The following SLC1A2 variants were observed in gnomAD, a reference collection of about 807,000 sequenced individuals.
SLC1A2 encodes solute carrier family 1 member 2.
A neutral mutation model predicts 48.8 loss-of-function variants in SLC1A2; 15 were observed. The ratio of observed to expected loss-of-function variants is 0.31; its 90% CI spans 0.21 to 0.47. The LOEUF (loss-of-function observed/expected upper bound fraction) is 0.47, where lower values mean the gene tolerates loss of function less well. Ranked by LOEUF, SLC1A2 falls within the 20% of genes least tolerant of loss-of-function variation. SLC1A2 has a pLI of 0.99. For missense variants in SLC1A2, 502 were observed against 730.5 expected (o/e 0.69, Z 3.61); for synonymous variants, 279 against 272.6 (o/e 1.02, Z -0.23).
chr11:35,344,584 C>T (rs935488642), intron 1 of SLC1A2, among the ~76,000 whole-genome samples: 1 of 152,176 alleles, frequency 6.6e-6, no homozygotes, highest in African/African-American at 2.4e-5. Context: ...TTACCCACAG[C>T]CCCTAGTTAA....
intron 1 of SLC1A2, among the ~76,000 whole-genome samples, chr11:35,342,088 G>T (rs1291382323): frequency 1.3e-5 from 2 of 152,218 alleles, no homozygotes; most frequent in African/African-American, 4.8e-5. Context: ...TTACCTCTGG[G>T]AATGGATGAG....
In SLC1A2 at chr11:35,252,494, T is replaced by C. The variant is rs1222660965; in HGVS notation, c.*8400A>G. The C allele has an allele frequency of 6.6e-6, 1 of 152,134 alleles. No individual in the cohort carries two copies. The highest frequency in any genetic ancestry group is 2.4e-5 in the African/African-American group (1 of 41,416). 9.4% of individuals were successfully genotyped at this position (152,134 alleles called of 1,614,324 possible). ...TGTATTAAACAGACATGAGATGACCTTTCACTAAGAACCAGGACACACACC... is the reference window on the plus strand; with the variant it reads ...TGTATTAAACAGACATGAGATGACCCTTCACTAAGAACCAGGACACACACC... On this transcript the variant is annotated 3_prime_UTR_variant, in exon 11 of 11. Transcript: ENST00000278379.
intron 1 of SLC1A2, among the ~76,000 whole-genome samples, chr11:35,322,000 T>C (rs1281699547): frequency 6.6e-6 from 1 of 152,110 alleles, no homozygotes; most frequent in Non-Finnish European, 1.5e-5. Flanking sequence ...GCCTTAATGT[T>C]GGAAGTTCCA....
intron 7 of SLC1A2, 70 bp from the exon 8 acceptor site, chr11:35,287,021 G>A: frequency 8.6e-7 from 1 of 1,159,194 alleles, no homozygotes; most frequent in Non-Finnish European, 1.3e-6. Context: ...GCATAAACTG[G>A]AATGCCACTG....
chr11:35,349,739 C>T (rs1590216127), intron 1 of SLC1A2, among the ~76,000 whole-genome samples: 1 of 152,260 alleles, frequency 6.6e-6, no homozygotes, highest in East Asian at 1.9e-4. Flanking sequence ...TTCTTAGATT[C>T]CCAGTATGTC....
intron 4 of SLC1A2, among the ~76,000 whole-genome samples, chr11:35,306,675 G>A (rs114073725): frequency 0.038 from 5,738 of 151,862 alleles, 131 homozygotes; most frequent in African/African-American, 0.06. Flanking sequence ...ACTTCCCTTC[G>A]TCCTTCCCCT....
intron 1 of SLC1A2, among the ~76,000 whole-genome samples, chr11:35,357,256 C>CA (rs531883065): frequency 0.12 from 11,811 of 98,052 alleles, 564 homozygotes; most frequent in African/African-American, 0.17. Flanking sequence ...GACTCTATAT[C>CA]AAAAAAAAAA....
intron 9 of SLC1A2, among the ~76,000 whole-genome samples, chr11:35,270,000 G>A (rs1591407852): frequency 1.3e-5 from 2 of 152,106 alleles, no homozygotes; most frequent in African/African-American, 4.8e-5. Flanking sequence ...CCAGCTACTC[G>A]GGAGGCTGAG....
chr11:35,333,614 A>G (rs1344254320), intron 1 of SLC1A2, among the ~76,000 whole-genome samples: 1 of 152,044 alleles, frequency 6.6e-6, no homozygotes, highest in Non-Finnish European at 1.5e-5. Flanking sequence ...TTATTCTAAA[A>G]CCCTTTAATT....
At chr11:35,413,083 G>A (rs946737730) in intron 1 of SLC1A2, among the ~76,000 whole-genome samples, 2 of 152,204 alleles carry the variant, frequency 1.3e-5, no homozygotes, top group African/African-American at 4.8e-5. Context: ...TGTATACCAA[G>A]AGAATGGTAC....
intron 1 of SLC1A2, among the ~76,000 whole-genome samples, chr11:35,356,535 C>T (rs1221606778): frequency 1.3e-5 from 2 of 152,222 alleles, no homozygotes; most frequent in African/African-American, 4.8e-5. Flanking sequence ...AAATGCGGTG[C>T]ATTCCAAGAC....
intron 1 of SLC1A2, among the ~76,000 whole-genome samples, chr11:35,337,024 A>G (rs151025886): frequency 6.6e-6 from 1 of 152,130 alleles, no homozygotes; most frequent in Non-Finnish European, 1.5e-5. Flanking sequence ...AATGACCCTG[A>G]GTGATGAAAG....
At position 35,306,225 on chromosome 11, in the gene SLC1A2, C is replaced by G; in HGVS notation, c.579G>C (p.Lys193Asn). The G allele has an allele frequency of 6.2e-7, 1 of 1,613,214 alleles. No homozygotes were observed. The highest frequency in any genetic ancestry group is 8.5e-7 in the Non-Finnish European group (1 of 1,179,692). ...CCGGCGGTGGTGCAACCAGGACTTT[C>G]TTCGTCACTGTTTGAATCTAACAGA... ...ACFQQIQTVT[K>N]KVLVAPPPDE... The change falls in exon 5 of 11, where the codon AAG (lysine) becomes AAC (asparagine). Residue 193 changes from lysine to asparagine, a missense_variant. Transcript: ENST00000278379.
intron 6 of SLC1A2, among the ~76,000 whole-genome samples, chr11:35,301,181 A>G (rs919404379): frequency 6.6e-6 from 1 of 152,192 alleles, no homozygotes; most frequent in Admixed American, 6.5e-5. Context: ...CCAGAACCAT[A>G]AGAAAGAAAT....
At chr11:35,301,388 C>G in intron 6 of SLC1A2, 131 bp downstream of exon 6, 1 of 783,766 alleles carries the variant, frequency 1.3e-6, no homozygotes, top group Non-Finnish European at 2.0e-6. Flanking sequence ...TCATCCCTTT[C>G]TCAAAGTCTT....
chr11:35,284,232 G>A (rs1039146675), intron 8 of SLC1A2, among the ~76,000 whole-genome samples: 12 of 151,790 alleles, frequency 7.9e-5, no homozygotes, highest in Non-Finnish European at 1.5e-4. Flanking sequence ...GTTACAAACA[G>A]CATGATTCTG....
Position 35,257,322 on chromosome 11 carries a change from C to A in SLC1A2, c.*3572G>T, listed in dbSNP as rs1187674243. The A allele has an allele frequency of 6.6e-6, 1 of 152,190 alleles. No individual in the cohort carries two copies. The highest frequency in any genetic ancestry group is 2.4e-5 in the African/African-American group (1 of 41,454). 9.4% of individuals were successfully genotyped at this position (152,190 alleles called of 1,614,324 possible). A position where few individuals can be genotyped will look rare whatever the true frequency, so the allele number is the denominator to read the frequency against. On this transcript the variant is annotated 3_prime_UTR_variant, in exon 11 of 11. Transcript: ENST00000278379. ...AATCCAGGAGCTAGGCATTTTGGCA[C>A]CCCTTCTTTCAGCTTTCATGAATAT...
intron 1 of SLC1A2, among the ~76,000 whole-genome samples, chr11:35,405,023 G>C (rs182130693): frequency 1.5e-4 from 23 of 152,252 alleles, no homozygotes; most frequent in South Asian, 8.3e-4. Flanking sequence ...GCTCAGGAAG[G>C]GGATTTTATA....
chr11:35,385,721 A>G (rs967998705), intron 1 of SLC1A2, among the ~76,000 whole-genome samples: 1 of 152,102 alleles, frequency 6.6e-6, no homozygotes, highest in Non-Finnish European at 1.5e-5. Context: ...GCATCTTCTA[A>G]CCAATCTTAT....
Sources: gnomAD v4.1 joint callset for allele counts (sites outside exome capture counted in the v4.1 genomes callset) on GRCh38, gnomAD v4.1.1 for gene constraint, MANE v1.5 for transcripts, NCBI Gene and HGNC (gene_info 2026-07-23, HGNC 2026-07-21) for gene names.